CHRNA7: variants seen among roughly 807,000 people sequenced by gnomAD.
CHRNA7 encodes neuronal acetylcholine receptor subunit alpha-7.
A neutral mutation model predicts 48.0 loss-of-function variants in CHRNA7; 17 were observed. The ratio of observed to expected loss-of-function variants is 0.35; its 90% CI spans 0.24 to 0.53. CHRNA7 has a LOEUF of 0.53. CHRNA7 is among the 20% of genes least tolerant of loss of function. The pLI, the probability that CHRNA7 is intolerant of heterozygous loss-of-function variation, is 0.92. For missense variants in CHRNA7, 155 were observed against 577.7 expected, an observed-to-expected ratio of 0.27 and a Z score of 7.50; for synonymous variants, 75 against 242.3, an observed-to-expected ratio of 0.31 and a Z score of 6.41.
At chr15:32,060,493 T>C (rs1387630472) in intron 2 of CHRNA7, among the ~76,000 whole-genome samples, 1 of 152,168 alleles carries the variant, frequency 6.6e-6, no homozygotes, top group East Asian at 1.9e-4. Flanking sequence ...TTTTCAAACC[T>C]TGAAGGGCAA....
At chr15:32,138,304 A>G (rs2051309001) in intron 4 of CHRNA7, among the ~76,000 whole-genome samples, 1 of 152,166 alleles carries the variant, frequency 6.6e-6, no homozygotes, top group South Asian at 2.1e-4. Flanking sequence ...AAATTTTGGA[A>G]ACTTAGATAG....
intron 2 of CHRNA7, among the ~76,000 whole-genome samples, chr15:32,057,628 T>C (rs2049808807): frequency 6.6e-6 from 1 of 152,222 alleles, no homozygotes; most frequent in South Asian, 2.1e-4. Context: ...AGAGTTTTCC[T>C]TTAAAAATAA....
At chr15:32,092,350 T>C (rs1374415933) in intron 2 of CHRNA7, among the ~76,000 whole-genome samples, 1 of 152,238 alleles carries the variant, frequency 6.6e-6, no homozygotes, top group Non-Finnish European at 1.5e-5. Context: ...ACTTATATAG[T>C]ATAATATAAA....
chr15:32,044,546 G>A (rs1284016216), intron 2 of CHRNA7, among the ~76,000 whole-genome samples: 1 of 152,180 alleles, frequency 6.6e-6, no homozygotes, highest in African/African-American at 2.4e-5. Flanking sequence ...AAAGTGCTGG[G>A]ATTACAGGCG....
rs191234161 is a variant in CHRNA7, at chr15:32,143,007, T to C, written c.351-10900T>C. Among the ~76,000 whole-genome samples the C allele has an allele frequency of 4.1e-3, 620 of 152,314 alleles. 8 individuals carry two copies. Among genetic ancestry groups the C allele is most frequent in the African/African-American group, 0.014 (596 of 41,568 alleles). ...GCTTCTCTAGTTCTTTTCATTGCGATGTTAGGATGTCAATTTTAGATCTTT... is the reference window on the plus strand; with the variant it reads ...GCTTCTCTAGTTCTTTTCATTGCGACGTTAGGATGTCAATTTTAGATCTTT... On this transcript the variant is annotated intron_variant, in intron 4 of 9. Coordinates refer to ENST00000306901, the MANE Select transcript of CHRNA7 (RefSeq NM_000746.6).
At chr15:32,128,347 A>T (rs2051103296) in intron 4 of CHRNA7, among the ~76,000 whole-genome samples, 1 of 151,934 alleles carries the variant, frequency 6.6e-6, no homozygotes, top group Admixed American at 6.6e-5. Context: ...TGGGTTTTTA[A>T]TGGGAATTGT....
intron 2 of CHRNA7, among the ~76,000 whole-genome samples, chr15:32,037,937 C>T (rs1324552931): frequency 1.3e-5 from 2 of 151,152 alleles, no homozygotes; most frequent in African/African-American, 4.9e-5. Flanking sequence ...GCTAGTACTT[C>T]CAGTGTGCTA....
At chr15:32,035,052 G>A (rs1452847852) in intron 2 of CHRNA7, among the ~76,000 whole-genome samples, 1 of 152,330 alleles carries the variant, frequency 6.6e-6, no homozygotes, top group Non-Finnish European at 1.5e-5. Flanking sequence ...ATCTATAACT[G>A]TGTGTATAAA....
intron 2 of CHRNA7, among the ~76,000 whole-genome samples, chr15:32,044,253 C>CTCCTTCCTTCCTTCCTTCCT (rs10638387): frequency 0.064 from 9,046 of 140,886 alleles, 415 homozygotes; most frequent in Middle Eastern, 0.074. Flanking sequence ...CGATCTTTTC[C>CTCCTTCCTTCCTTCCTTCCT]TCCTTCCTTC....
intron 2 of CHRNA7, among the ~76,000 whole-genome samples, chr15:32,067,324 TG>T (rs1426808659): frequency 6.6e-6 from 1 of 152,208 alleles, no homozygotes; most frequent in African/African-American, 2.4e-5. Flanking sequence ...GATGAACAGC[TG>T]ATTTCTCAAC....
At chr15:32,051,262 C>T (rs918759012) in intron 2 of CHRNA7, among the ~76,000 whole-genome samples, 9 of 151,946 alleles carry the variant, frequency 5.9e-5, no homozygotes, top group East Asian at 3.9e-4. Context: ...GTGGAGCCTA[C>T]GGAGGCAGGC....
intron 2 of CHRNA7, among the ~76,000 whole-genome samples, chr15:32,093,024 A>T (rs150980280): frequency 4.5e-4 from 68 of 152,334 alleles, no homozygotes; most frequent in Middle Eastern, 3.4e-3. Context: ...GTCCAGAGAG[A>T]TACAACTTGT....
At chr15:32,097,357 C>G (rs1248866909) in intron 2 of CHRNA7, among the ~76,000 whole-genome samples, 2 of 152,100 alleles carry the variant, frequency 1.3e-5, no homozygotes, top group Admixed American at 1.3e-4. Context: ...AGATCTGAAT[C>G]CCCAAGGCGA....
intron 4 of CHRNA7, among the ~76,000 whole-genome samples, chr15:32,128,922 G>A (rs2051111962): frequency 6.6e-6 from 1 of 151,862 alleles, no homozygotes; most frequent in African/African-American, 2.4e-5. Context: ...TCAGGATGAG[G>A]AAGTTTCCCT....
intron 2 of CHRNA7, among the ~76,000 whole-genome samples, chr15:32,070,669 CTTTTTTTTTTTTTTTTTTT>C (rs71113441): frequency 2.2e-4 from 9 of 40,850 alleles, no homozygotes; most frequent in African/African-American, 5.6e-4. Context: ...GGTTTAGTTC[CTTTTTTTTTTTTTTTTTTT>C]TTTTTTTTTT....
At chr15:32,068,589 G>A (rs548758637) in intron 2 of CHRNA7, among the ~76,000 whole-genome samples, 1 of 152,080 alleles carries the variant, frequency 6.6e-6, no homozygotes, top group Non-Finnish European at 1.5e-5. Context: ...TCTACATGGT[G>A]GTGGGCGCCT....
At chr15:32,070,541 A>G (rs1019999299) in intron 2 of CHRNA7, among the ~76,000 whole-genome samples, 28 of 151,978 alleles carry the variant, frequency 1.8e-4, no homozygotes, top group African/African-American at 6.5e-4. Context: ...AGAACATTTC[A>G]CTAAGCCCAG....
chr15:32,036,279 A>G (rs918477051), intron 2 of CHRNA7, among the ~76,000 whole-genome samples: 4 of 152,186 alleles, frequency 2.6e-5, no homozygotes, highest in African/African-American at 9.7e-5. Context: ...CCTTTTTAGC[A>G]CTGAATAATA....
chr15:32,096,776 C>T (rs1031296582), intron 2 of CHRNA7, among the ~76,000 whole-genome samples: 2 of 152,150 alleles, frequency 1.3e-5, no homozygotes, highest in Non-Finnish European at 2.9e-5. Flanking sequence ...TACTCTAAAC[C>T]AGATAGACGA....
Sources: allele counts gnomAD v4.1 joint callset (sites outside exome capture counted in the v4.1 genomes callset), GRCh38; gene constraint gnomAD v4.1.1; transcripts MANE v1.5; gene names NCBI Gene and HGNC (gene_info 2026-07-23, HGNC 2026-07-21).